SEMA6D: variants seen among roughly 807,000 people sequenced by gnomAD.
SEMA6D encodes semaphorin 6D, also known as semaphorin-6D.
Under a neutral mutation model 106.6 loss-of-function variants are expected in SEMA6D, and 35 were observed. That is an observed-to-expected ratio of 0.33 (90% CI 0.25 to 0.44). The LOEUF is 0.44. Among genes scored for constraint, SEMA6D ranks in the 20% least tolerant of loss-of-function variants. The pLI, the probability that SEMA6D is intolerant of heterozygous loss-of-function variation, is 1.00. For synonymous variants in SEMA6D, 499 were observed against 487.7 expected, an observed-to-expected ratio of 1.02 and a Z score of -0.31; for missense variants, 1,185 against 1,345.9, an observed-to-expected ratio of 0.88 and a Z score of 1.87.
intron 4 of SEMA6D, among the ~76,000 whole-genome samples, chr15:47,655,293 G>T (rs1420940035): frequency 1.3e-5 from 2 of 152,314 alleles, no homozygotes; most frequent in East Asian, 3.9e-4. Flanking sequence ...TGATTAAGTG[G>T]CCTGGGCCAG....
At chr15:47,688,803 G>A (rs1469543798) in intron 4 of SEMA6D, among the ~76,000 whole-genome samples, 1 of 152,140 alleles carries the variant, frequency 6.6e-6, no homozygotes, top group South Asian at 2.1e-4. Flanking sequence ...CTTTGGTAAG[G>A]TCCCTAATGA....
At chr15:47,237,320 G>C (rs1371708285) in intron 1 of SEMA6D, among the ~76,000 whole-genome samples, 1 of 152,132 alleles carries the variant, frequency 6.6e-6, no homozygotes, top group Non-Finnish European at 1.5e-5. Flanking sequence ...ATATGCAATA[G>C]TTATTCCACT....
At chr15:47,452,476 A>G (rs536884085) in intron 2 of SEMA6D, among the ~76,000 whole-genome samples, 1 of 152,134 alleles carries the variant, frequency 6.6e-6, no homozygotes, top group South Asian at 2.1e-4. Context: ...TTATCTACCT[A>G]TGGTGATGTC....
At chr15:47,613,771 A>T (rs925511078) in intron 4 of SEMA6D, among the ~76,000 whole-genome samples, 7 of 151,948 alleles carry the variant, frequency 4.6e-5, no homozygotes, top group Non-Finnish European at 1.0e-4. Flanking sequence ...CTCCTGCCTC[A>T]GCCTCTCCAA....
At chr15:47,701,825 C>T (rs1455659916) in intron 4 of SEMA6D, among the ~76,000 whole-genome samples, 2 of 152,046 alleles carry the variant, frequency 1.3e-5, no homozygotes, top group Admixed American at 6.6e-5. Context: ...TCTGGCATCC[C>T]CCACCTGGTT....
intron 2 of SEMA6D, among the ~76,000 whole-genome samples, chr15:47,430,177 C>T (rs61998612): frequency 1.3e-5 from 2 of 151,976 alleles, no homozygotes; most frequent in African/African-American, 2.4e-5. Flanking sequence ...CTTTTTTTCC[C>T]ACTTCACATC....
At chr15:47,248,441 A>G (rs1407172630) in intron 1 of SEMA6D, among the ~76,000 whole-genome samples, 2 of 152,148 alleles carry the variant, frequency 1.3e-5, no homozygotes, top group Non-Finnish European at 2.9e-5. Context: ...AGAAAGCCCA[A>G]TTTACCCCAA....
intron 3 of SEMA6D, among the ~76,000 whole-genome samples, chr15:47,470,992 G>A (rs2042819383): frequency 6.6e-6 from 1 of 152,118 alleles, no homozygotes. Context: ...GGCCTTGTCT[G>A]TTAAGCAGCC....
At chr15:47,547,202 GA>G (rs1297507450) in intron 3 of SEMA6D, among the ~76,000 whole-genome samples, 5 of 151,940 alleles carry the variant, frequency 3.3e-5, no homozygotes, top group African/African-American at 9.7e-5. Flanking sequence ...AACATGTAGG[GA>G]AAAAATGTTG....
intron 1 of SEMA6D, among the ~76,000 whole-genome samples, chr15:47,332,710 G>A (rs868264714): frequency 1.4e-4 from 21 of 152,172 alleles, no homozygotes; most frequent in Non-Finnish European, 2.4e-4. Flanking sequence ...ATGCCTGGCC[G>A]TGATCTTAAG....
At chr15:47,514,268 G>A (rs531360538) in intron 3 of SEMA6D, among the ~76,000 whole-genome samples, 1 of 152,300 alleles carries the variant, frequency 6.6e-6, no homozygotes, top group South Asian at 2.1e-4. Flanking sequence ...GAGTGCCACA[G>A]GGCCACGATT....
rs141154195 is a variant in SEMA6D, at chr15:47,198,054, G to C, written c.-239+13636G>C. The stretch of plus-strand genomic sequence containing the variant: ...TTCATCTGAGTTGTTGCAAATTACA[G>C]ATTTTCCTTATTTTTTTGTGGCTGA... On this transcript the variant is annotated intron_variant, in intron 1 of 19. Transcript: ENST00000558014. Among the ~76,000 whole-genome samples, 945 of 152,146 alleles carry C rather than the reference G, an allele frequency of 6.2e-3. 13 individuals carry two copies. The highest frequency in any genetic ancestry group is 0.022 in the African/African-American group (899 of 41,504).
chr15:47,486,236 C>T (rs542576820), intron 3 of SEMA6D, among the ~76,000 whole-genome samples: 1 of 152,150 alleles, frequency 6.6e-6, no homozygotes, highest in Non-Finnish European at 1.5e-5. Flanking sequence ...CTAATATTTT[C>T]CATCCGTGTA....
intron 1 of SEMA6D, among the ~76,000 whole-genome samples, chr15:47,750,459 C>G (rs934142749): frequency 6.6e-6 from 1 of 152,250 alleles, no homozygotes; most frequent in Middle Eastern, 3.4e-3. Flanking sequence ...CCCAGATCTC[C>G]TGGTTCCTGG....
chr15:47,624,542 A>T (rs2077168624), intron 4 of SEMA6D, among the ~76,000 whole-genome samples: 1 of 151,602 alleles, frequency 6.6e-6, no homozygotes, highest in Admixed American at 6.6e-5. Context: ...TTCTTGAAAG[A>T]TTAGAAAATG....
intron 17 of SEMA6D, among the ~76,000 whole-genome samples, chr15:47,767,963 A>G (rs2082431566): frequency 6.6e-6 from 1 of 152,104 alleles, no homozygotes. Context: ...ACTCCCCAGC[A>G]GTTTTGGAGA....
intron 3 of SEMA6D, among the ~76,000 whole-genome samples, chr15:47,598,398 A>G (rs577156765): frequency 6.6e-6 from 1 of 152,286 alleles, no homozygotes; most frequent in African/African-American, 2.4e-5. Context: ...TTTTAGGGAA[A>G]TCCAAGACAG....
chr15:47,190,563 C>G (rs1265519645), intron 1 of SEMA6D, among the ~76,000 whole-genome samples: 1 of 152,052 alleles, frequency 6.6e-6, no homozygotes, highest in Non-Finnish European at 1.5e-5. Flanking sequence ...ATTCCATGTC[C>G]GTGTCTCCCT....
intron 1 of SEMA6D, among the ~76,000 whole-genome samples, chr15:47,341,378 A>C (rs545930453): frequency 1.6e-3 from 250 of 152,312 alleles, no homozygotes; most frequent in African/African-American, 5.6e-3. Flanking sequence ...TGACAGAGCA[A>C]GACTGTCTCA....
Sources: gnomAD v4.1 joint callset for allele counts (sites outside exome capture counted in the v4.1 genomes callset) on GRCh38, gnomAD v4.1.1 for gene constraint, MANE v1.5 for transcripts, NCBI Gene and HGNC (gene_info 2026-07-23, HGNC 2026-07-21) for gene names.